The following NR2F1-AS1 variants were observed in gnomAD, a reference collection of about 807,000 sequenced individuals.
The protein encoded by NR2F1-AS1 is NR2F1 regulatory antisense RNA 1.
intron 4 of NR2F1-AS1, among the ~76,000 whole-genome samples, chr5:93,506,875 T>C (rs1336066817): frequency 6.6e-6 from 1 of 152,166 alleles, no homozygotes; most frequent in African/African-American, 2.4e-5. Context: ...ATAGGCAGGC[T>C]CATTTACTAA....
chr5:93,518,043 C>T (rs531719623), intron 4 of NR2F1-AS1, among the ~76,000 whole-genome samples: 3 of 152,236 alleles, frequency 2.0e-5, no homozygotes, highest in East Asian at 3.9e-4. Context: ...AATCCTCCCT[C>T]CTCAGCCTCT....
chr5:93,497,280 G>C (rs1160024175), intron 4 of NR2F1-AS1, among the ~76,000 whole-genome samples: 1 of 152,148 alleles, frequency 6.6e-6, no homozygotes, highest in Non-Finnish European at 1.5e-5. Flanking sequence ...GAGCAATGGA[G>C]ATATTACGCT....
chr5:93,476,231 A>G (rs1352567918), intron 4 of NR2F1-AS1, among the ~76,000 whole-genome samples: 1 of 152,212 alleles, frequency 6.6e-6, no homozygotes, highest in Non-Finnish European at 1.5e-5. Context: ...AAAGTAGGAT[A>G]AATCTGGTAT....
intron 4 of NR2F1-AS1, among the ~76,000 whole-genome samples, chr5:93,478,720 A>G (rs576536465): frequency 5.9e-5 from 9 of 152,188 alleles, no homozygotes; most frequent in Non-Finnish European, 1.2e-4. Flanking sequence ...AGTTTTATAT[A>G]CTGAACTGAA....
At position 93,459,635 on chromosome 5, in the gene NR2F1-AS1, T is replaced by C. The variant is rs565740333; in HGVS notation, n.639-64093A>G. ...ATAAAATCCTGATAATACCTTGTAA[T>C]AGTTTAACATTTTTTAAATACTAGC... On this transcript the variant is annotated intron_variant and non_coding_transcript_variant, in intron 4 of 5. Transcript: ENST00000660523. 1.1e-4 allele frequency among the ~76,000 whole-genome samples: 17 copies of C among 152,344 alleles called. No homozygotes were observed. In the South Asian group the frequency reaches 2.9e-3, roughly 26 times the overall value.
chr5:93,491,775 A>T (rs1416209618), intron 4 of NR2F1-AS1, among the ~76,000 whole-genome samples: 18 of 152,188 alleles, frequency 1.2e-4, no homozygotes. Context: ...TCCATGACTT[A>T]TACTGGTAGC....
chr5:93,538,693 T>G lies in NR2F1-AS1; in HGVS notation n.638+15068A>C, dbSNP rs1751889643. 2.0e-5 allele frequency among the ~76,000 whole-genome samples: 3 copies of G among 152,194 alleles called. No individual in the cohort carries two copies. The South Asian group carries it at 6.2e-4, about 31-fold the overall frequency. On this transcript the variant is annotated intron_variant and non_coding_transcript_variant, in intron 4 of 5. Coordinates refer to ENST00000660523, the Ensembl canonical transcript of NR2F1-AS1. Reference sequence around the variant, plus strand: ...CACTACAGCCACTGTCACTCACTGATTCACAAAAAGATGAGTAAATAATTA... The same window carrying G: ...CACTACAGCCACTGTCACTCACTGAGTCACAAAAAGATGAGTAAATAATTA...
chr5:93,467,510 C>A (rs1271947156), intron 4 of NR2F1-AS1, among the ~76,000 whole-genome samples: 1 of 152,154 alleles, frequency 6.6e-6, no homozygotes, highest in African/African-American at 2.4e-5. Context: ...GCCAGTGCTC[C>A]GTTCAGTTGA....
intron 4 of NR2F1-AS1, among the ~76,000 whole-genome samples, chr5:93,490,505 ATGG>A (rs1478221266): frequency 7.7e-6 from 1 of 129,774 alleles, no homozygotes; most frequent in African/African-American, 3.0e-5. Flanking sequence ...GGTCTTGGTA[ATGG>A]TGGTGTTGAT....
At chr5:93,475,688 C>T (rs1257007620) in intron 4 of NR2F1-AS1, among the ~76,000 whole-genome samples, 1 of 152,164 alleles carries the variant, frequency 6.6e-6, no homozygotes, top group Non-Finnish European at 1.5e-5. Context: ...AAAACAGTTG[C>T]TAAAACTCAT....
At chr5:93,554,557 T>C (rs1752309082) in intron 3 of NR2F1-AS1, among the ~76,000 whole-genome samples, 1 of 152,172 alleles carries the variant, frequency 6.6e-6, no homozygotes, top group Admixed American at 6.5e-5. Context: ...GTTACATGCT[T>C]ATTTATTATT....
upstream of NR2F1-AS1, chr5:93,584,041 C>T (rs1753176819): frequency 6.6e-6 from 1 of 152,240 alleles, no homozygotes; most frequent in African/African-American, 2.4e-5. Flanking sequence ...GCGTCCGGCC[C>T]TGGACCTGGC....
intron 4 of NR2F1-AS1, among the ~76,000 whole-genome samples, chr5:93,491,441 G>A (rs1461582897): frequency 6.6e-6 from 1 of 151,926 alleles, no homozygotes; most frequent in African/African-American, 2.4e-5. Context: ...ATGAAGTTCT[G>A]GAAACCAAAA....
At chr5:93,520,724 A>C (rs1441588457) in intron 4 of NR2F1-AS1, among the ~76,000 whole-genome samples, 1 of 152,128 alleles carries the variant, frequency 6.6e-6, no homozygotes, top group Non-Finnish European at 1.5e-5. Flanking sequence ...TATTTAAATG[A>C]GCAAAAGGAA....
intron 4 of NR2F1-AS1, among the ~76,000 whole-genome samples, chr5:93,471,332 C>T (rs1750359962): frequency 1.3e-5 from 2 of 151,852 alleles, no homozygotes; most frequent in African/African-American, 4.8e-5. Context: ...AGTAATTCTA[C>T]TCCTAAGAAT....
chr5:93,509,790 G>A (rs1304216466), intron 4 of NR2F1-AS1, among the ~76,000 whole-genome samples: 4 of 151,822 alleles, frequency 2.6e-5, no homozygotes, highest in Non-Finnish European at 5.9e-5. Context: ...TATTTTAAAT[G>A]TTTTATTTTC....
chr5:93,495,364 A>G (rs1421080351), intron 4 of NR2F1-AS1, among the ~76,000 whole-genome samples: 3 of 152,296 alleles, frequency 2.0e-5, no homozygotes, highest in Middle Eastern at 3.4e-3. Context: ...AAAAGAAAGT[A>G]GAATTGTATG....
At chr5:93,411,105 T>C (rs936963622) in intron 4 of NR2F1-AS1, 3 of 152,210 alleles carry the variant, frequency 2.0e-5, no homozygotes, top group Admixed American at 2.0e-4. Context: ...TAACTGTAAA[T>C]TTATTGAAGA....
At chr5:93,506,192 A>G (rs1751181876) in intron 4 of NR2F1-AS1, among the ~76,000 whole-genome samples, 1 of 152,166 alleles carries the variant, frequency 6.6e-6, no homozygotes, top group Non-Finnish European at 1.5e-5. Context: ...AACAAGAGTC[A>G]CCTTTGCTCC....
Sources: gnomAD v4.1 joint callset for allele counts (sites outside exome capture counted in the v4.1 genomes callset) on GRCh38, gnomAD v4.1.1 for gene constraint, MANE v1.5 for transcripts, NCBI Gene and HGNC (gene_info 2026-07-23, HGNC 2026-07-21) for gene names.